NUP35: variants seen among roughly 807,000 people sequenced by gnomAD.
The protein encoded by NUP35 is nucleoporin 35.
Under a neutral mutation model 41.5 loss-of-function variants are expected in NUP35, and 25 were observed. The ratio of observed to expected loss-of-function variants is 0.60; its 90% CI spans 0.44 to 0.84. NUP35 has a LOEUF of 0.84. Ranked by LOEUF, NUP35 falls within the 40% of genes least tolerant of loss-of-function variation. The probability of loss-of-function intolerance (pLI) is 0.00; values close to 1 mark genes in which losing one functional copy is unlikely to be tolerated. For missense variants in NUP35, 396 were observed against 396.6 expected (o/e 1.00, Z 0.01); for synonymous variants, 149 against 130.7 (o/e 1.14, Z -0.96).
At position 183,147,021 on chromosome 2, in the gene NUP35, G is replaced by A. The variant is rs563443307; in HGVS notation, c.398-4487G>A. 5.9e-5 allele frequency among the ~76,000 whole-genome samples: 9 copies of A among 152,246 alleles called. No individual in the cohort carries two copies. The East Asian group carries it at 1.5e-3, about 26-fold the overall frequency. On this transcript the variant is annotated intron_variant, in intron 4 of 8. Transcript: ENST00000295119. Reference sequence around the variant, plus strand: ...ATTTTTTCATGTTTGTTGGTCACCTGCATGTCTTCTTTTGAGAAGTGCCTG... The same window carrying A: ...ATTTTTTCATGTTTGTTGGTCACCTACATGTCTTCTTTTGAGAAGTGCCTG...
chr2:183,128,531 C>A, intron 2 of NUP35, 74 bp downstream of exon 2: 1 of 1,040,494 alleles, frequency 9.6e-7, no homozygotes, highest in Non-Finnish European at 1.4e-6. Context: ...CTTCCCTGAA[C>A]CACATTGGAA....
chr2:183,157,093 T>C (rs1039956354), intron 5 of NUP35, among the ~76,000 whole-genome samples: 1 of 152,202 alleles, frequency 6.6e-6, no homozygotes, highest in African/African-American at 2.4e-5. Context: ...CCTAAATATA[T>C]TACATATTAA....
At chr2:183,151,897 G>T (rs1200417732) in intron 5 of NUP35, among the ~76,000 whole-genome samples, 2 of 152,016 alleles carry the variant, frequency 1.3e-5, no homozygotes, top group African/African-American at 4.8e-5. Flanking sequence ...ACTTGAGCAT[G>T]CATGTCATTA....
rs1209286312 is a variant in NUP35, at chr2:183,160,990, G to T, written c.904-64G>T. The T allele has an allele frequency of 5.7e-6, 7 of 1,218,620 alleles. No homozygotes were observed. In the Admixed American group the frequency reaches 1.3e-4, roughly 23 times the overall value. 75.5% of individuals were successfully genotyped at this position (1,218,620 alleles called of 1,614,324 possible). On this transcript the variant is annotated intron_variant, in intron 8 of 8. Transcript: ENST00000295119. ...TTTCTCTTTTAAATGAGCAATTCTAGAATTGCCTATGACACTGAAGTAACA... is the reference window on the plus strand; with the variant it reads ...TTTCTCTTTTAAATGAGCAATTCTATAATTGCCTATGACACTGAAGTAACA...
At chr2:183,155,198 T>TA (rs569009259) in intron 5 of NUP35, among the ~76,000 whole-genome samples, 2 of 152,162 alleles carry the variant, frequency 1.3e-5, no homozygotes, top group Non-Finnish European at 2.9e-5. Context: ...TTTTTGGGAT[T>TA]AAAAAACATA....
chr2:183,122,383 A>T (rs969430415), upstream of NUP35, among the ~76,000 whole-genome samples: 1 of 152,120 alleles, frequency 6.6e-6, no homozygotes, highest in Middle Eastern at 3.2e-3. Flanking sequence ...GCTGGTGCAA[A>T]TCTTTTTCAA....
upstream of NUP35, chr2:183,123,758 AG>A: frequency 1.0e-6 from 1 of 984,814 alleles, no homozygotes; most frequent in Middle Eastern, 5.2e-4. Flanking sequence ...CAGCAAAGTG[AG>A]GGGACGTGGA....
At chr2:183,155,219 A>G (rs1685614090) in intron 5 of NUP35, among the ~76,000 whole-genome samples, 1 of 152,334 alleles carries the variant, frequency 6.6e-6, no homozygotes, top group Admixed American at 6.5e-5. Context: ...AAAATAACAC[A>G]TGAGCTCCTT....
chr2:183,138,267 ATATTTTTTTTTTT>A (rs1183606455), intron 4 of NUP35, among the ~76,000 whole-genome samples: 63 of 74,044 alleles, frequency 8.5e-4, no homozygotes, highest in African/African-American at 4.0e-3. Flanking sequence ...ATATATATAT[ATATTTTTTTTTTT>A]TTTTAGCTCC....
rs1684773296 is a variant in NUP35, at chr2:183,133,593, CTTG to C, written c.371_373del (p.Val124del). ...AAACATTTCAGTAATGCAGAGTCCT[CTTG>C]TTGGAGTTACATCTACTCCTGGAAC... On this transcript the variant is annotated inframe_deletion, in exon 4 of 9. Coordinates refer to ENST00000295119, the MANE Select transcript of NUP35 (RefSeq NM_138285.5). 6.3e-7 allele frequency: 1 copy of C among 1,595,360 alleles called. No individual in the cohort carries two copies. The highest frequency in any genetic ancestry group is 8.5e-7 in the Non-Finnish European group (1 of 1,173,848).
chr2:183,161,229 A>G lies in NUP35; in HGVS notation c.*98A>G. 1 of 732,736 alleles carries G rather than the reference A, an allele frequency of 1.4e-6. No homozygotes were observed. The highest frequency in any genetic ancestry group is 2.2e-6 in the Non-Finnish European group (1 of 445,124). 45.4% of individuals were successfully genotyped at this position (732,736 alleles called of 1,614,324 possible). A position where few individuals can be genotyped will look rare whatever the true frequency, so the allele number is the denominator to read the frequency against. ...TATAACTGTTCCTGCAGTATTGGAT[A>G]GCTATCTCATACTTCTTTTAGAAAG... is the stretch of plus-strand genomic sequence containing the variant. On this transcript the variant is annotated 3_prime_UTR_variant, in exon 9 of 9. Coordinates refer to ENST00000295119, the MANE Select transcript of NUP35 (RefSeq NM_138285.5).
chr2:183,124,722 A>G (rs914043765), intron 1 of NUP35, among the ~76,000 whole-genome samples: 1 of 152,134 alleles, frequency 6.6e-6, no homozygotes, highest in African/African-American at 2.4e-5. Flanking sequence ...GAGGGTGAAG[A>G]AAAGGCCGTC....
intron 3 of NUP35, chr2:183,131,001 C>A: frequency 1.0e-6 from 1 of 993,228 alleles, no homozygotes; most frequent in Non-Finnish European, 1.4e-6. Context: ...TTAGGGTCCC[C>A]AACAGGGTCC....
At chr2:183,154,348 C>G (rs1375101449) in intron 5 of NUP35, among the ~76,000 whole-genome samples, 2 of 152,212 alleles carry the variant, frequency 1.3e-5, no homozygotes, top group African/African-American at 4.8e-5. Flanking sequence ...ACTGCGTTGT[C>G]AGGCTGCAAA....
intron 5 of NUP35, among the ~76,000 whole-genome samples, chr2:183,155,951 T>G (rs551840493): frequency 6.6e-6 from 1 of 152,322 alleles, no homozygotes; most frequent in South Asian, 2.1e-4. Context: ...GCATTCTCCT[T>G]TAAGGGATAA....
rs1167160395 is a variant in NUP35, at chr2:183,146,817, G to A, written c.398-4691G>A. Reference sequence around the variant, plus strand: ...TCGCCATGTTGTCCAGGCTTGTCTCGAACTCGTGACCTCAGGTGATCCAAA... The same window carrying A: ...TCGCCATGTTGTCCAGGCTTGTCTCAAACTCGTGACCTCAGGTGATCCAAA... On this transcript the variant is annotated intron_variant, in intron 4 of 8. Transcript: ENST00000295119. Among the ~76,000 whole-genome samples the A allele has an allele frequency of 3.9e-5, 6 of 152,038 alleles. No homozygotes were observed. The East Asian group carries it at 7.7e-4, about 20-fold the overall frequency.
chr2:183,152,273 C>CT lies in NUP35; in HGVS notation c.539+631dup, dbSNP rs554649481. On this transcript the variant is annotated intron_variant, in intron 5 of 8. Coordinates refer to ENST00000295119, the MANE Select transcript of NUP35 (RefSeq NM_138285.5). ...AGGTCCAAAAAAAACTTTAAAATGCCTTTTTTTAAAAAAAATGCTTTTTTA... is the reference window on the plus strand; with the variant it reads ...AGGTCCAAAAAAAACTTTAAAATGCCTTTTTTTTAAAAAAAATGCTTTTTTA... 4.8e-4 allele frequency among the ~76,000 whole-genome samples: 73 copies of CT among 151,954 alleles called. No homozygotes were observed. The South Asian group carries it at 8.9e-3, about 19-fold the overall frequency.
At chr2:183,126,902 C>T (rs1684509886) in intron 1 of NUP35, among the ~76,000 whole-genome samples, 1 of 152,178 alleles carries the variant, frequency 6.6e-6, no homozygotes, top group African/African-American at 2.4e-5. Flanking sequence ...GCAAATTCTA[C>T]ATTTATACTT....
intron 8 of NUP35, 79 bp downstream of exon 8, chr2:183,159,731 T>C: frequency 8.9e-7 from 1 of 1,128,792 alleles, no homozygotes; most frequent in South Asian, 1.3e-5. Flanking sequence ...ATTGTATTGA[T>C]TTGTATGCCA....
Sources: gnomAD v4.1 joint callset for allele counts (sites outside exome capture counted in the v4.1 genomes callset) on GRCh38, gnomAD v4.1.1 for gene constraint, MANE v1.5 for transcripts, NCBI Gene and HGNC (gene_info 2026-07-23, HGNC 2026-07-21) for gene names.